The following CNOT7 variants were observed in gnomAD, a reference collection of about 807,000 sequenced individuals.
The protein encoded by CNOT7 is CCR4-NOT transcription complex subunit 7.
In CNOT7, 4 loss-of-function variants were observed where a neutral mutation model predicts 37.1. The observed-to-expected ratio is 0.11, with a 90% CI of 0.05 to 0.25. The LOEUF (loss-of-function observed/expected upper bound fraction) is 0.25, where lower values mean the gene tolerates loss of function less well. Among genes scored for constraint, CNOT7 ranks in the 10% least tolerant of loss-of-function variants. The pLI, the probability that CNOT7 is intolerant of heterozygous loss-of-function variation, is 1.00. For synonymous variants in CNOT7, 128 were observed against 115.6 expected (o/e 1.11, Z -0.69); for missense variants, 170 against 336.2 (o/e 0.51, Z 3.87).
intron 3 of CNOT7, among the ~76,000 whole-genome samples, chr8:17,237,750 G>A (rs973554674): frequency 3.3e-5 from 5 of 152,248 alleles, no homozygotes; most frequent in African/African-American, 1.2e-4. Flanking sequence ...AGCAGCCACT[G>A]TAATGCTCCC....
At chr8:17,237,543 G>A (rs1340818708) in intron 3 of CNOT7, 170 bp from the exon 4 acceptor site, 9 of 558,236 alleles carry the variant, frequency 1.6e-5, no homozygotes, top group South Asian at 2.9e-5. Context: ...TAAATACAAA[G>A]GTCATTATTT....
rs1357647486 is a variant in CNOT7, at chr8:17,225,630, G to C, written c.*5090C>G. 6.6e-6 allele frequency: 1 copy of C among 151,782 alleles called. No homozygotes were observed. Among genetic ancestry groups the C allele is most frequent in the Non-Finnish European group, 1.5e-5 (1 of 67,738 alleles). 9.4% of individuals were successfully genotyped at this position (151,782 alleles called of 1,614,324 possible). ...TTTCTTGGAATTTTCATTCTATGGT[G>C]ACATTTTTTTAACTTTCAAAACCTG... On this transcript the variant is annotated 3_prime_UTR_variant, in exon 7 of 7. Coordinates refer to ENST00000361272, the MANE Select transcript of CNOT7 (RefSeq NM_013354.7).
At position 17,225,392 on chromosome 8, in the gene CNOT7, A is replaced by T. The variant is rs1161449577; in HGVS notation, c.*5328T>A. 1 of 151,758 alleles carries T rather than the reference A, an allele frequency of 6.6e-6. No individual in the cohort carries two copies. Among genetic ancestry groups the T allele is most frequent in the Non-Finnish European group, 1.5e-5 (1 of 67,708 alleles). 9.4% of individuals were successfully genotyped at this position (151,758 alleles called of 1,614,324 possible). On this transcript the variant is annotated 3_prime_UTR_variant, in exon 7 of 7. Coordinates refer to ENST00000361272, the MANE Select transcript of CNOT7 (RefSeq NM_013354.7). ...ATTCCTCCATACCAGGAAGGAGAGT[A>T]TTGACCAGTTTATCTTTAAAAAGAA...
chr8:17,244,256 C>G (rs1373921498), intron 2 of CNOT7: 3 of 152,600 alleles, frequency 2.0e-5, no homozygotes, highest in African/African-American at 7.2e-5. Flanking sequence ...TCTAGGCAGA[C>G]CAAACAGCAC....
chr8:17,231,611 C>G, intron 6 of CNOT7: 5 of 985,350 alleles, frequency 5.1e-6, no homozygotes, highest in Non-Finnish European at 6.0e-6. Context: ...AAAATATACT[C>G]AAATCCACAG....
intron 5 of CNOT7, among the ~76,000 whole-genome samples, chr8:17,233,616 T>C (rs1289568197): frequency 6.6e-6 from 1 of 152,070 alleles, no homozygotes; most frequent in East Asian, 1.9e-4. Flanking sequence ...AAAAGTCAGA[T>C]GAAAACATGT....
intron 1 of CNOT7, among the ~76,000 whole-genome samples, chr8:17,245,587 AT>A: frequency 6.6e-6 from 1 of 152,218 alleles, no homozygotes; most frequent in Non-Finnish European, 1.5e-5. Context: ...AAAATGAAAA[AT>A]TACTTATTTA....
At position 17,230,615 on chromosome 8, in the gene CNOT7, G is replaced by C. The variant is rs1429377102; in HGVS notation, c.*105C>G. ...GCAGACAATAAAATGGGCCATGAAA[G>C]GGGGGGGAAAGGTACTGTCTATTGT... On this transcript the variant is annotated 3_prime_UTR_variant, in exon 7 of 7. Coordinates refer to ENST00000361272, the MANE Select transcript of CNOT7 (RefSeq NM_013354.7). 2.3e-6 allele frequency: 2 copies of C among 884,470 alleles called. No homozygotes were observed. The highest frequency in any genetic ancestry group is 3.0e-5 in the South Asian group (1 of 33,432). 54.8% of individuals were successfully genotyped at this position (884,470 alleles called of 1,614,324 possible).
chr8:17,232,160 A>G, intron 6 of CNOT7: 3 of 1,167,388 alleles, frequency 2.6e-6, no homozygotes, highest in Non-Finnish European at 3.3e-6. Context: ...CTGAGAAATA[A>G]TATGGTTGGA....
chr8:17,241,492 C>T (rs1312767792), intron 3 of CNOT7: 8 of 152,068 alleles, frequency 5.3e-5, no homozygotes, highest in Non-Finnish European at 1.0e-4. Context: ...GCCCTACTTT[C>T]GTAAAATTGT....
At chr8:17,237,145 A>C (rs1432456711) in intron 4 of CNOT7, 67 bp downstream of exon 4, 2 of 1,484,546 alleles carry the variant, frequency 1.3e-6, no homozygotes, top group Non-Finnish European at 1.9e-6. Context: ...TAACATAGTG[A>C]CCCAAGTAAG....
intron 5 of CNOT7, among the ~76,000 whole-genome samples, chr8:17,234,367 G>A (rs924721262): frequency 2.0e-5 from 3 of 152,116 alleles, no homozygotes; most frequent in African/African-American, 4.8e-5. Flanking sequence ...GATTCTATGC[G>A]TCTTGGGAGA....
At chr8:17,238,692 G>C (rs1196130573) in intron 3 of CNOT7, among the ~76,000 whole-genome samples, 1 of 152,140 alleles carries the variant, frequency 6.6e-6, no homozygotes, top group African/African-American at 2.4e-5. Context: ...TTGGCCATTT[G>C]CCAAGGTATA....
chr8:17,231,223 G>C (rs1003628746), intron 6 of CNOT7, among the ~76,000 whole-genome samples: 9 of 152,088 alleles, frequency 5.9e-5, no homozygotes, highest in Non-Finnish European at 1.0e-4. Context: ...TCTTAAATCT[G>C]TATGCAAGGC....
rs1364379426 is a variant in CNOT7 at position 17,226,198 on chromosome 8, T to A, written c.*4522A>T. The A allele has an allele frequency of 6.6e-6, 1 of 151,474 alleles. No homozygotes were observed. The highest frequency in any genetic ancestry group is 1.9e-4 in the East Asian group (1 of 5,176). The allele number at this position is 151,474 out of a possible 1,614,324, so 9.4% of individuals were successfully genotyped here. ...AATATTGAGTACAATTTTTTTTTCT[T>A]TTTTTAGTAATAGAGTTCTACTAAT... On this transcript the variant is annotated 3_prime_UTR_variant, in exon 7 of 7. Coordinates refer to ENST00000361272, the MANE Select transcript of CNOT7 (RefSeq NM_013354.7).
At chr8:17,244,586 C>A (rs73200916) in intron 2 of CNOT7, 5,453 of 153,186 alleles carry the variant, frequency 0.036, 157 homozygotes, top group Non-Finnish European at 0.051. Context: ...ACAAAATGAC[C>A]AAGTATCTCC....
intron 3 of CNOT7, among the ~76,000 whole-genome samples, chr8:17,241,123 A>G (rs1473628609): frequency 1.3e-5 from 2 of 152,164 alleles, no homozygotes; most frequent in East Asian, 1.9e-4. Context: ...GCTGGAGTGC[A>G]GTGGTGCAAT....
Position 17,229,874 on chromosome 8 carries a change from AAAT to A in CNOT7, c.*843_*845del, listed in dbSNP as rs1355197646. ...AAAAGGGTAAATGGTGATGGAATAA[AAAT>A]AAGCAGATCAAGGGAAGTGTGCTAT... On this transcript the variant is annotated 3_prime_UTR_variant, in exon 7 of 7. Transcript: ENST00000361272. The A allele has an allele frequency of 6.6e-6, 1 of 152,330 alleles. No individual in the cohort carries two copies. 9.4% of individuals were successfully genotyped at this position (152,330 alleles called of 1,614,324 possible).
At chr8:17,231,447 A>G in intron 6 of CNOT7, 1 of 786,654 alleles carries the variant, frequency 1.3e-6, no homozygotes, top group Non-Finnish European at 1.5e-6. Flanking sequence ...AATTGGAAGG[A>G]GTCCAAAACA....
Sources: gnomAD v4.1 joint callset for allele counts (sites outside exome capture counted in the v4.1 genomes callset) on GRCh38, gnomAD v4.1.1 for gene constraint, MANE v1.5 for transcripts, NCBI Gene and HGNC (gene_info 2026-07-23, HGNC 2026-07-21) for gene names.